Variants in YWHAQ observed in about 807,000 individuals in gnomAD.
YWHAQ encodes tyrosine 3-monooxygenase/tryptophan 5-monooxygenase activation protein theta.
YWHAQ carries 6 observed loss-of-function variants against 28.3 expected under a neutral mutation model. The observed-to-expected ratio is 0.21, with a 90% CI of 0.12 to 0.42. The LOEUF is 0.42. Among genes scored for constraint, YWHAQ ranks in the 10% least tolerant of loss-of-function variants. The pLI is 1.00. For missense variants in YWHAQ, 201 were observed against 305.6 expected (o/e 0.66, Z 2.55); for synonymous variants, 143 against 119.1 (o/e 1.20, Z -1.31).
At position 9,584,143 on chromosome 2, in the gene YWHAQ, T is replaced by C. The variant is rs187680337; in HGVS notation, c.*1143A>G. The C allele has an allele frequency of 2.0e-5, 3 of 152,732 alleles. No individual in the cohort carries two copies. The highest frequency in any genetic ancestry group is 1.9e-4 in the East Asian group (1 of 5,190). The allele number at this position is 152,732 out of a possible 1,614,324, so 9.5% of individuals were successfully genotyped here. ...TAGACAAGTGTGTCACAATGCACAA[T>C]GTGGAAATATAGGTATCACTACTAC... On this transcript the variant is annotated 3_prime_UTR_variant, in exon 6 of 6. Coordinates refer to ENST00000238081, the MANE Select transcript of YWHAQ (RefSeq NM_006826.4).
intron 2 of YWHAQ, chr2:9,615,516 G>C (rs1432329460): frequency 6.6e-6 from 1 of 152,126 alleles, no homozygotes; most frequent in East Asian, 1.9e-4. Context: ...AGTGAGAAAA[G>C]AGGCTGAAGA....
At chr2:9,624,013 A>C (rs2125074297) in intron 2 of YWHAQ, among the ~76,000 whole-genome samples, 1 of 152,256 alleles carries the variant, frequency 6.6e-6, no homozygotes, top group South Asian at 2.1e-4. Context: ...TCACGCCTGT[A>C]ATCTCAGCAC....
chr2:9,609,099 CT>C (rs761917881), intron 2 of YWHAQ, among the ~76,000 whole-genome samples: 46 of 152,126 alleles, frequency 3.0e-4, no homozygotes, highest in Admixed American at 2.6e-4. Context: ...ATTAAATAAT[CT>C]TTTAAAGATG....
rs532571933 is a variant in YWHAQ at position 9,584,168 on chromosome 2, C to T, written c.*1118G>A. 5.1e-4 allele frequency: 78 copies of T among 152,764 alleles called. No homozygotes were observed. The highest frequency in any genetic ancestry group is 1.8e-3 in the African/African-American group (76 of 41,570). The allele number at this position is 152,764 out of a possible 1,614,324, so 9.5% of individuals were successfully genotyped here. On this transcript the variant is annotated 3_prime_UTR_variant, in exon 6 of 6. Coordinates refer to ENST00000238081, the MANE Select transcript of YWHAQ (RefSeq NM_006826.4). ...TGTGGAAATATAGGTATCACTACTACATTTTACATAAAAGGGAAGTATCAA... is the reference window on the plus strand; with the variant it reads ...TGTGGAAATATAGGTATCACTACTATATTTTACATAAAAGGGAAGTATCAA...
At chr2:9,627,833 G>C (rs998093571) in intron 2 of YWHAQ, among the ~76,000 whole-genome samples, 5 of 151,976 alleles carry the variant, frequency 3.3e-5, no homozygotes, top group African/African-American at 4.8e-5. Flanking sequence ...ACTGTTCCCC[G>C]AACAAGCCCT....
At chr2:9,611,763 C>T (rs1262299773) in intron 2 of YWHAQ, among the ~76,000 whole-genome samples, 3 of 152,166 alleles carry the variant, frequency 2.0e-5, no homozygotes, top group Admixed American at 6.5e-5. Context: ...CTCTGCCTCC[C>T]GGGTTCAAGC....
chr2:9,616,765 G>T (rs1283437999), intron 2 of YWHAQ, among the ~76,000 whole-genome samples: 1 of 152,160 alleles, frequency 6.6e-6, no homozygotes, highest in East Asian at 1.9e-4. Flanking sequence ...ACTGTGGTGG[G>T]AATGTAAGAT....
At chr2:9,590,322 AGT>A (rs1666431574) in intron 3 of YWHAQ, among the ~76,000 whole-genome samples, 1 of 152,222 alleles carries the variant, frequency 6.6e-6, no homozygotes, top group Admixed American at 6.5e-5. Context: ...TAACAGAATA[AGT>A]AAGTTTAGTA....
At chr2:9,586,022 A>ACTG in intron 5 of YWHAQ, among the ~76,000 whole-genome samples, 1 of 152,316 alleles carries the variant, frequency 6.6e-6, no homozygotes, top group Middle Eastern at 3.4e-3. Context: ...TGAAAGCACT[A>ACTG]CTGCATTATT....
intron 2 of YWHAQ, among the ~76,000 whole-genome samples, chr2:9,603,468 T>C (rs1489519577): frequency 2.7e-5 from 4 of 150,072 alleles, no homozygotes; most frequent in Non-Finnish European, 5.9e-5. Flanking sequence ...AGAGACGGGG[T>C]TTCTCCATGT....
chr2:9,619,907 A>G (rs1224722845), intron 2 of YWHAQ, among the ~76,000 whole-genome samples: 1 of 152,254 alleles, frequency 6.6e-6, no homozygotes, highest in Non-Finnish European at 1.5e-5. Flanking sequence ...TTTTAAGAGC[A>G]AAAATCCTGT....
At position 9,585,034 on chromosome 2, in the gene YWHAQ, TG is replaced by T. The variant is rs1294888093; in HGVS notation, c.*251del. On this transcript the variant is annotated 3_prime_UTR_variant, in exon 6 of 6. Coordinates refer to ENST00000238081, the MANE Select transcript of YWHAQ (RefSeq NM_006826.4). ...ATTTTTAGTCCTCTACATAAGTGTT[TG>T]GGAGTTACTTATGTTTATATGAAAT... 2.1e-6 allele frequency: 1 copy of T among 483,056 alleles called. No individual in the cohort carries two copies. Among genetic ancestry groups the T allele is most frequent in the Non-Finnish European group, 3.7e-6 (1 of 266,760 alleles). 29.9% of individuals were successfully genotyped at this position (483,056 alleles called of 1,614,324 possible).
At chr2:9,614,516 G>A (rs577696920) in intron 2 of YWHAQ, among the ~76,000 whole-genome samples, 4 of 152,240 alleles carry the variant, frequency 2.6e-5, no homozygotes, top group South Asian at 2.1e-4. Flanking sequence ...TCTTGGTCTG[G>A]TCATAAAGTA....
intron 2 of YWHAQ, among the ~76,000 whole-genome samples, chr2:9,605,954 T>C (rs1666818519): frequency 6.6e-6 from 1 of 152,204 alleles, no homozygotes; most frequent in Non-Finnish European, 1.5e-5. Flanking sequence ...TTCTACACCT[T>C]AGCTTTTCCA....
intron 2 of YWHAQ, among the ~76,000 whole-genome samples, chr2:9,597,874 C>T (rs1291524025): frequency 1.3e-5 from 2 of 150,388 alleles, no homozygotes; most frequent in African/African-American, 4.9e-5. Context: ...GGCTGGAGTG[C>T]AATGGCATGA....
chr2:9,622,001 A>C (rs551549687), intron 2 of YWHAQ, among the ~76,000 whole-genome samples: 1 of 152,250 alleles, frequency 6.6e-6, no homozygotes, highest in East Asian at 1.9e-4. Flanking sequence ...ACACATGGAC[A>C]CAAGGAGGGG....
At chr2:9,591,273 A>G in intron 3 of YWHAQ, 119 bp downstream of exon 3, 2 of 1,228,294 alleles carry the variant, frequency 1.6e-6, no homozygotes, top group South Asian at 4.0e-5. Context: ...TTTTCTTGAC[A>G]TACATTCAAT....
chr2:9,630,578 G>C lies in YWHAQ; in HGVS notation c.-82-44C>G. 6.2e-6 allele frequency: 6 copies of C among 969,016 alleles called. No homozygotes were observed. The highest frequency in any genetic ancestry group is 1.7e-5 in the South Asian group (1 of 57,202). 60.0% of individuals were successfully genotyped at this position (969,016 alleles called of 1,614,324 possible). On this transcript the variant is annotated intron_variant, in intron 1 of 5. Coordinates refer to ENST00000238081, the MANE Select transcript of YWHAQ (RefSeq NM_006826.4). This position sits in a 1 kb window ranked among gnomAD's most constrained non-coding sequence, Gnocchi z 5.6. ...GCGAGGCGAGAACAAAAAGCAGAGA[G>C]GGAGCGCCGTCAGACAATGCGGCCC...
At chr2:9,595,107 G>A (rs1184106435) in intron 2 of YWHAQ, among the ~76,000 whole-genome samples, 6 of 152,166 alleles carry the variant, frequency 3.9e-5, no homozygotes, top group Non-Finnish European at 8.8e-5. Flanking sequence ...AGGTATCATG[G>A]TTCTTTGTCA....
Sources: gnomAD v4.1 joint callset for allele counts (sites outside exome capture counted in the v4.1 genomes callset) on GRCh38, gnomAD v4.1.1 for gene constraint, Gnocchi (gnomAD v3.1) non-coding constraint, MANE v1.5 for transcripts, NCBI Gene and HGNC (gene_info 2026-07-23, HGNC 2026-07-21) for gene names.